TBC1D8: variants seen among roughly 807,000 people sequenced by gnomAD.
TBC1D8 encodes the protein TBC1 domain family member 8.
TBC1D8 carries 65 observed loss-of-function variants against 118.8 expected under a neutral mutation model. That is an observed-to-expected ratio of 0.55 (90% CI 0.45 to 0.67). The LOEUF (loss-of-function observed/expected upper bound fraction) is 0.67, where lower values mean the gene tolerates loss of function less well. TBC1D8 is among the 30% of genes least tolerant of loss of function. TBC1D8 has a pLI of 0.00. For synonymous variants in TBC1D8, 566 were observed against 595.8 expected (o/e 0.95, Z 0.73); for missense variants, 1,376 against 1,471.2 (o/e 0.94, Z 1.06).
intron 11 of TBC1D8, among the ~76,000 whole-genome samples, chr2:101,030,672 C>T (rs1680618434): frequency 2.0e-5 from 3 of 152,098 alleles, no homozygotes; most frequent in Admixed American, 2.0e-4. Flanking sequence ...AGAAAAATGA[C>T]AGTATATATT....
At chr2:101,142,102 A>G (rs185984641) in intron 1 of TBC1D8, among the ~76,000 whole-genome samples, 1 of 152,264 alleles carries the variant, frequency 6.6e-6, no homozygotes, top group African/African-American at 2.4e-5. Flanking sequence ...TGGTCTCACT[A>G]TGTTGCCCAG....
At position 101,038,558 on chromosome 2, in the gene TBC1D8, C is replaced by G. The variant is rs752283302; in HGVS notation, c.1178G>C (p.Arg393Pro). ...CGCCTCCACCAGGCTGTCTCGGTCC[C>G]GGAGCTCAATGAACTGGAAGGCCAC... ...SKVAFQFIELRDRDSLVEALL... is the reference protein window; with the variant it reads ...SKVAFQFIELPDRDSLVEALL... Residue 393 changes from arginine (R) to proline (P), a missense_variant, in exon 7 of 20, where the codon CGG (arginine) becomes CCG (proline). Transcript: ENST00000409318. The G allele has an allele frequency of 6.2e-7, 1 of 1,613,908 alleles. No individual in the cohort carries two copies. Among genetic ancestry groups the G allele is most frequent in the Non-Finnish European group, 8.5e-7 (1 of 1,179,896 alleles).
intron 17 of TBC1D8, among the ~76,000 whole-genome samples, chr2:101,015,161 T>C (rs919579126): frequency 3.3e-5 from 5 of 152,178 alleles, no homozygotes; most frequent in African/African-American, 1.2e-4. Context: ...TCCTGAATAC[T>C]GTAGGCAGCT....
At chr2:101,137,522 T>C (rs963261163) in intron 1 of TBC1D8, among the ~76,000 whole-genome samples, 26 of 150,648 alleles carry the variant, frequency 1.7e-4, no homozygotes, top group African/African-American at 3.2e-4. Context: ...CCGTGTTAGC[T>C]AGGATGGTCT....
Position 101,054,232 on chromosome 2 carries a change from G to A in TBC1D8, c.507C>T (p.Pro169=), listed in dbSNP as rs776948086. Residue 169 remains proline, a synonymous_variant, in exon 4 of 20, where the codon CCC becomes CCT. Coordinates refer to ENST00000409318, the MANE Select transcript of TBC1D8 (RefSeq NM_001330348.2). The part of the protein sequence containing the change: ...LVKFEARFNF[P]EAEKLVTYYS... ...AGTAGGTGACCAGCTTCTCCGCCTC[G>A]GGGAAGTTGAACCTGGCCTCGAACT... 33 of 1,609,090 alleles carry A rather than the reference G, an allele frequency of 2.1e-5. No homozygotes were observed. The highest frequency in any genetic ancestry group is 2.2e-5 in the East Asian group (1 of 44,702).
chr2:101,037,712 C>A lies in TBC1D8; in HGVS notation c.1276-4G>T. 1 of 1,612,452 alleles carries A rather than the reference C, an allele frequency of 6.2e-7. No individual in the cohort carries two copies. On this transcript the variant is annotated splice_region_variant and splice_polypyrimidine_tract_variant and intron_variant, in intron 7 of 19. Transcript: ENST00000409318. ...TTGAATGAAACACGAGTGAAGCCTGCACAGCAAGAGAGACAGAGACAGAGA... is the reference window on the plus strand; with the variant it reads ...TTGAATGAAACACGAGTGAAGCCTGAACAGCAAGAGAGACAGAGACAGAGA...
intron 1 of TBC1D8, among the ~76,000 whole-genome samples, chr2:101,119,591 G>A (rs1678010076): frequency 6.6e-6 from 1 of 152,168 alleles, no homozygotes. Context: ...AGAGTCTGAT[G>A]TCATTGGTTT....
rs1343462432 is a variant in TBC1D8 at position 101,050,604 on chromosome 2, TA to T, written c.668del (p.Leu223Ter). On this transcript the variant is annotated frameshift_variant, in exon 5 of 20. Transcript: ENST00000409318. LOFTEE classifies it high-confidence loss of function. Reference protein sequence around the residue: ...LVVPWVDIQKLERTSNVFLTD... With the variant: ...LVVPWVDIQKXERTSNVFLTD... Reference sequence around the variant, plus strand: ...TCAGAAAGACATTGGACGTTCTTTCTAATTTCTGGATATCAACCCACGGAAC... The same window carrying T: ...TCAGAAAGACATTGGACGTTCTTTCTATTTCTGGATATCAACCCACGGAAC... 3 of 1,613,886 alleles carry T rather than the reference TA, an allele frequency of 1.9e-6. No homozygotes were observed. The highest frequency in any genetic ancestry group is 2.5e-6 in the Non-Finnish European group (3 of 1,179,900).
intron 1 of TBC1D8, among the ~76,000 whole-genome samples, chr2:101,124,294 T>C (rs1678259426): frequency 6.6e-6 from 1 of 152,198 alleles, no homozygotes; most frequent in African/African-American, 2.4e-5. Context: ...AGAATTGTCA[T>C]GATTACATAG....
rs1236666283 is a variant in TBC1D8, at chr2:101,117,514, A to T, written c.128-27150T>A. ...TCTAAGTCCAGTAAAGGGCAGATTC[A>T]GCGGGGAGGCACTCATATGTTCAAG... On this transcript the variant is annotated intron_variant, in intron 1 of 19. Coordinates refer to ENST00000409318, the MANE Select transcript of TBC1D8 (RefSeq NM_001330348.2). 3.4e-4 allele frequency among the ~76,000 whole-genome samples: 52 copies of T among 151,742 alleles called. 2 individuals carry two copies. The highest frequency in any genetic ancestry group is 3.4e-3 in the Admixed American group (52 of 15,238).
intron 1 of TBC1D8, among the ~76,000 whole-genome samples, chr2:101,095,336 G>A (rs1282656040): frequency 1.3e-5 from 2 of 149,992 alleles, no homozygotes; most frequent in Admixed American, 1.3e-4. Context: ...GTGCCATGTT[G>A]GTGTGCTGCA....
intron 1 of TBC1D8, among the ~76,000 whole-genome samples, chr2:101,119,039 G>A (rs963544111): frequency 2.0e-5 from 3 of 152,060 alleles, no homozygotes; most frequent in African/African-American, 7.2e-5. Context: ...CTCCACGAAA[G>A]ACTCTCAGAT....
intron 2 of TBC1D8, among the ~76,000 whole-genome samples, chr2:101,062,008 G>A (rs1682781123): frequency 6.6e-6 from 1 of 152,190 alleles, no homozygotes. Context: ...ATGCTGGCCC[G>A]ACTTAGGGGT....
At chr2:101,078,128 C>A (rs1266858101) in intron 2 of TBC1D8, among the ~76,000 whole-genome samples, 1 of 152,226 alleles carries the variant, frequency 6.6e-6, no homozygotes, top group East Asian at 1.9e-4. Context: ...GCCCACCACA[C>A]TATCCTTGAA....
At chr2:101,120,768 C>T (rs1236960985) in intron 1 of TBC1D8, among the ~76,000 whole-genome samples, 1 of 152,234 alleles carries the variant, frequency 6.6e-6, no homozygotes, top group Non-Finnish European at 1.5e-5. Flanking sequence ...TGGGCAGTGA[C>T]TCATGTCTGA....
intron 3 of TBC1D8, among the ~76,000 whole-genome samples, chr2:101,055,581 A>G (rs1246255353): frequency 6.6e-6 from 1 of 152,196 alleles, no homozygotes; most frequent in African/African-American, 2.4e-5. Context: ...ATCTAAATCT[A>G]TAATTTTTTG....
chr2:101,023,633 T>A, intron 15 of TBC1D8: 1 of 438,442 alleles, frequency 2.3e-6, no homozygotes, highest in Non-Finnish European at 4.6e-6. Context: ...AGTTTTTTTT[T>A]TAAGGTGAGT....
intron 1 of TBC1D8, among the ~76,000 whole-genome samples, chr2:101,113,818 C>A (rs1010656439): frequency 8.5e-5 from 13 of 152,188 alleles, no homozygotes; most frequent in Non-Finnish European, 1.5e-4. Context: ...AAAACGGTTG[C>A]TCTGCGGCGG....
intron 1 of TBC1D8, among the ~76,000 whole-genome samples, chr2:101,146,470 T>C (rs930847591): frequency 6.6e-6 from 1 of 152,134 alleles, no homozygotes; most frequent in African/African-American, 2.4e-5. Context: ...AAGAGAAGAA[T>C]TGCAAGATTA....
Sources: allele counts gnomAD v4.1 joint callset (sites outside exome capture counted in the v4.1 genomes callset), GRCh38; gene constraint gnomAD v4.1.1; transcripts MANE v1.5; gene names NCBI Gene and HGNC (gene_info 2026-07-23, HGNC 2026-07-21).